Variants in CORIN observed in about 807,000 individuals in gnomAD.
CORIN encodes the protein atrial natriuretic peptide-converting enzyme.
In CORIN, 117 loss-of-function variants were observed where a neutral mutation model predicts 125.3. The observed-to-expected ratio is 0.93, with a 90% CI of 0.80 to 1.09. The LOEUF (loss-of-function observed/expected upper bound fraction) is 1.09, where lower values mean the gene tolerates loss of function less well. Among genes scored for constraint, CORIN ranks in the 50% least tolerant of loss-of-function variants. CORIN has a pLI of 0.00. For missense variants in CORIN, 1,253 were observed against 1,306.7 expected, an observed-to-expected ratio of 0.96 and a Z score of 0.63; for synonymous variants, 450 against 466.4, an observed-to-expected ratio of 0.96 and a Z score of 0.45.
intron 19 of CORIN, among the ~76,000 whole-genome samples, chr4:47,620,616 T>C (rs1167822498): frequency 6.6e-6 from 1 of 152,140 alleles, no homozygotes; most frequent in East Asian, 1.9e-4. Context: ...TGTGGGAGAA[T>C]AGTGCTAGCA....
intron 5 of CORIN, among the ~76,000 whole-genome samples, chr4:47,727,277 T>C (rs1282948784): frequency 3.3e-5 from 5 of 152,058 alleles, no homozygotes; most frequent in Non-Finnish European, 7.4e-5. Context: ...TTTAATCATA[T>C]GAGTAAGTTT....
chr4:47,753,992 C>T (rs758001687), intron 4 of CORIN, among the ~76,000 whole-genome samples: 42 of 152,278 alleles, frequency 2.8e-4, no homozygotes, highest in Non-Finnish European at 4.6e-4. Context: ...TTCAGGGTCC[C>T]TCACTTTCCT....
At chr4:47,642,936 T>C (rs749303729) in intron 15 of CORIN, 55 of 1,533,172 alleles carry the variant, frequency 3.6e-5, no homozygotes, top group Non-Finnish European at 4.7e-5. Context: ...CCATACAATA[T>C]AGATATTTCA....
At chr4:47,696,751 G>GACA (rs1364974334) in intron 5 of CORIN, among the ~76,000 whole-genome samples, 1 of 152,180 alleles carries the variant, frequency 6.6e-6, no homozygotes, top group African/African-American at 2.4e-5. Context: ...TCTTGTCTCT[G>GACA]ACAACAGACT....
intron 19 of CORIN, among the ~76,000 whole-genome samples, chr4:47,619,923 T>A (rs149552015): frequency 2.6e-5 from 4 of 152,326 alleles, no homozygotes; most frequent in Admixed American, 2.6e-4. Context: ...TCTAAAGCAA[T>A]AACATTCCAG....
At chr4:47,800,930 C>T (rs1437101517) in intron 2 of CORIN, among the ~76,000 whole-genome samples, 1 of 152,162 alleles carries the variant, frequency 6.6e-6, no homozygotes, top group Non-Finnish European at 1.5e-5. Context: ...TCAGCTTCTG[C>T]TTAATGCATT....
chr4:47,691,338 T>C (rs573546931), intron 6 of CORIN, among the ~76,000 whole-genome samples: 65 of 152,312 alleles, frequency 4.3e-4, no homozygotes, highest in African/African-American at 1.5e-3. Context: ...GTTCCCTATT[T>C]TGGCTGCTTT....
intron 19 of CORIN, among the ~76,000 whole-genome samples, chr4:47,620,165 T>C (rs954763618): frequency 3.9e-5 from 6 of 152,200 alleles, no homozygotes; most frequent in East Asian, 1.9e-4. Context: ...GAACAAAACA[T>C]GTATCCATCT....
At chr4:47,813,806 A>T (rs1001951010) in intron 1 of CORIN, among the ~76,000 whole-genome samples, 23 of 152,218 alleles carry the variant, frequency 1.5e-4, no homozygotes, top group African/African-American at 5.3e-4. Context: ...AGATGTACAA[A>T]CAGTACTTGC....
chr4:47,611,787 G>T (rs1200919618), intron 19 of CORIN, among the ~76,000 whole-genome samples: 1 of 152,170 alleles, frequency 6.6e-6, no homozygotes, highest in Non-Finnish European at 1.5e-5. Flanking sequence ...AGTTTATTGA[G>T]AGTTTTTTAA....
chr4:47,646,043 CAAAAAAAAAAA>C (rs1165408037), intron 13 of CORIN, among the ~76,000 whole-genome samples: 14 of 98,496 alleles, frequency 1.4e-4, no homozygotes, highest in Admixed American at 2.3e-4. Context: ...CCACCTGTCT[CAAAAAAAAAAA>C]AAAAAAAAAA....
intron 19 of CORIN, among the ~76,000 whole-genome samples, chr4:47,604,803 C>T (rs1042203986): frequency 6.6e-6 from 1 of 152,152 alleles, no homozygotes; most frequent in African/African-American, 2.4e-5. Flanking sequence ...GTCCATTTTC[C>T]TTACTATCAG....
chr4:47,744,471 T>C lies in CORIN; in HGVS notation c.730A>G (p.Arg244Gly). 6.2e-7 allele frequency: 1 copy of C among 1,614,058 alleles called. No individual in the cohort carries two copies. The highest frequency in any genetic ancestry group is 8.5e-7 in the Non-Finnish European group (1 of 1,179,984). The change falls in exon 5 of 22, where the codon AGA becomes GGA. Residue 244 changes from arginine (R) to glycine (G), a missense_variant. Transcript: ENST00000273857. ...WPDFLRCSQF[R>G]NQTESSNVSR... ...ACATTGCTGCTTTCAGTTTGGTTTCTAAACTGGGAGCATCTGAGGAAATCC... is the reference window on the plus strand; with the variant it reads ...ACATTGCTGCTTTCAGTTTGGTTTCCAAACTGGGAGCATCTGAGGAAATCC...
At chr4:47,729,628 G>A (rs746224065) in intron 5 of CORIN, among the ~76,000 whole-genome samples, 1 of 152,136 alleles carries the variant, frequency 6.6e-6, no homozygotes, top group Admixed American at 6.5e-5. Flanking sequence ...AGGTGGAAAT[G>A]CTGGGTAGAA....
chr4:47,742,149 T>A (rs1365121693), intron 5 of CORIN, among the ~76,000 whole-genome samples: 1 of 151,692 alleles, frequency 6.6e-6, no homozygotes, highest in African/African-American at 2.4e-5. Context: ...TAGAAAAAAA[T>A]AATAAAATTC....
intron 3 of CORIN, among the ~76,000 whole-genome samples, chr4:47,772,215 T>C (rs1202848906): frequency 6.6e-6 from 1 of 152,202 alleles, no homozygotes; most frequent in Non-Finnish European, 1.5e-5. Context: ...CTGTTGCAAT[T>C]CATTCATTCA....
At chr4:47,738,476 C>G (rs559320372) in intron 5 of CORIN, among the ~76,000 whole-genome samples, 8 of 152,144 alleles carry the variant, frequency 5.3e-5, no homozygotes, top group Non-Finnish European at 7.3e-5. Context: ...CTTCAGTGGC[C>G]AGACATGACA....
chr4:47,628,163 G>T (rs1722654282), intron 16 of CORIN, among the ~76,000 whole-genome samples: 1 of 152,144 alleles, frequency 6.6e-6, no homozygotes, highest in South Asian at 2.1e-4. Context: ...TGTTTCTCAT[G>T]CACAAACATA....
At chr4:47,732,116 C>T (rs1048098177) in intron 5 of CORIN, among the ~76,000 whole-genome samples, 1 of 151,876 alleles carries the variant, frequency 6.6e-6, no homozygotes, top group East Asian at 1.9e-4. Flanking sequence ...TATGAGATTT[C>T]CCAGAGAAAA....
Sources: gnomAD v4.1 joint callset for allele counts (sites outside exome capture counted in the v4.1 genomes callset) on GRCh38, gnomAD v4.1.1 for gene constraint, MANE v1.5 for transcripts, NCBI Gene and HGNC (gene_info 2026-07-23, HGNC 2026-07-21) for gene names.